The following RUSC2 variants were observed in gnomAD, a reference collection of about 807,000 sequenced individuals.
RUSC2 encodes the protein RUN and SH3 domain containing 2.
RUSC2 carries 34 observed loss-of-function variants against 122.2 expected under a neutral mutation model. The observed-to-expected ratio is 0.28, with a 90% CI of 0.21 to 0.37. The LOEUF (loss-of-function observed/expected upper bound fraction) is 0.37, where lower values mean the gene tolerates loss of function less well. RUSC2 is among the 10% of genes least tolerant of loss of function. The pLI is 1.00. For synonymous variants in RUSC2, 784 were observed against 790.0 expected (o/e 0.99, Z 0.13); for missense variants, 1,747 against 1,952.4 (o/e 0.89, Z 1.98).
At chr9:35,524,548 A>G (rs916062989) in intron 1 of RUSC2, among the ~76,000 whole-genome samples, 7 of 152,214 alleles carry the variant, frequency 4.6e-5, no homozygotes, top group Admixed American at 1.3e-4. Context: ...AGCATCATCA[A>G]TAAAGTGATA....
At chr9:35,529,498 A>G (rs556437877) in intron 1 of RUSC2, among the ~76,000 whole-genome samples, 1 of 149,808 alleles carries the variant, frequency 6.7e-6, no homozygotes, top group Admixed American at 6.7e-5. Context: ...CATTTTTACT[A>G]TGCAAAGCAC....
chr9:35,557,124 T>C lies in RUSC2; in HGVS notation c.2983+676T>C, dbSNP rs983163352. ...TTGGTGACATCTAGTAAGATGAAGA[T>C]TGACAAGACCCACACTATTTAGCAA... On this transcript the variant is annotated intron_variant, in intron 5 of 11. Transcript: ENST00000361226. This position sits in a 1 kb window ranked among gnomAD's most constrained non-coding sequence, Gnocchi z 4.6. Among the ~76,000 whole-genome samples, 1 of 152,006 alleles carries C rather than the reference T, an allele frequency of 6.6e-6. No individual in the cohort carries two copies. Among genetic ancestry groups the C allele is most frequent in the Admixed American group, 6.6e-5 (1 of 15,252 alleles).
At chr9:35,532,108 AAGAG>A (rs1821432629) in intron 1 of RUSC2, among the ~76,000 whole-genome samples, 1 of 152,236 alleles carries the variant, frequency 6.6e-6, no homozygotes, top group Non-Finnish European at 1.5e-5. Flanking sequence ...TCTGAATGTA[AAGAG>A]AGTCCAGATG....
intron 1 of RUSC2, among the ~76,000 whole-genome samples, chr9:35,543,328 A>C (rs879887370): frequency 6.6e-6 from 1 of 152,144 alleles, no homozygotes; most frequent in Non-Finnish European, 1.5e-5. Context: ...CAGGAGGCTG[A>C]GGTGGATCAC....
In RUSC2 at chr9:35,546,412, C is replaced by A. The variant is rs897000748; in HGVS notation, c.-92-18C>A. The A allele has an allele frequency of 2.2e-5, 18 of 816,956 alleles. No homozygotes were observed. The Middle Eastern group carries it at 8.6e-4, about 39-fold the overall frequency. 50.6% of individuals were successfully genotyped at this position (816,956 alleles called of 1,614,324 possible). A position where few individuals can be genotyped will look rare whatever the true frequency, so the allele number is the denominator to read the frequency against. On this transcript the variant is annotated intron_variant, in intron 1 of 11. Transcript: ENST00000361226. This position sits in a 1 kb window ranked among gnomAD's most constrained non-coding sequence, Gnocchi z 4.3. ...AGGGAGGTGACATTAGGTTCCCTTT[C>A]TTTCCCTCTCTCTCCAGGTGCCAAG... is the stretch of plus-strand genomic sequence containing the variant.
At chr9:35,509,840 C>T (rs1171949350) in intron 1 of RUSC2, among the ~76,000 whole-genome samples, 1 of 152,176 alleles carries the variant, frequency 6.6e-6, no homozygotes, top group African/African-American at 2.4e-5. Context: ...GTAACTCCTA[C>T]CACCACCCTG....
intron 1 of RUSC2, among the ~76,000 whole-genome samples, chr9:35,520,565 T>A (rs1821194745): frequency 6.6e-6 from 1 of 152,188 alleles, no homozygotes; most frequent in African/African-American, 2.4e-5. Context: ...TGTGCTTCAG[T>A]CCACTGCCTG....
Position 35,546,465 on chromosome 9 carries a change from A to C in RUSC2, c.-57A>C. ...CTCCTGATGAAATGTGTTCTGCCCC[A>C]CTGGGCTCCAGGGACAGTGTCTGGT... On this transcript the variant is annotated 5_prime_UTR_variant, in exon 2 of 12. Coordinates refer to ENST00000361226, the MANE Select transcript of RUSC2 (RefSeq NM_014806.5). This position sits in a 1 kb window ranked among gnomAD's most constrained non-coding sequence, Gnocchi z 4.3. 16 of 1,263,286 alleles carry C rather than the reference A, an allele frequency of 1.3e-5. No individual in the cohort carries two copies. Among genetic ancestry groups the C allele is most frequent in the Non-Finnish European group, 1.6e-5 (16 of 973,736 alleles). 78.3% of individuals were successfully genotyped at this position (1,263,286 alleles called of 1,614,324 possible).
chr9:35,537,948 T>C (rs557955388), intron 1 of RUSC2, among the ~76,000 whole-genome samples: 5 of 152,280 alleles, frequency 3.3e-5, no homozygotes, highest in African/African-American at 9.6e-5. Flanking sequence ...TTTTTCCTTA[T>C]TCCCACAGAA....
At chr9:35,538,554 A>T (rs1821575426) in intron 1 of RUSC2, 1 of 152,442 alleles carries the variant, frequency 6.6e-6, no homozygotes, top group African/African-American at 2.4e-5. Context: ...AAGAGGAGGG[A>T]GAGGTTTCTG....
At chr9:35,506,041 A>G (rs1200231089) in intron 1 of RUSC2, among the ~76,000 whole-genome samples, 2 of 152,246 alleles carry the variant, frequency 1.3e-5, no homozygotes, top group Admixed American at 1.3e-4. Context: ...AGGAAGAAAT[A>G]TAACTATTGC....
chr9:35,552,837 C>A (rs551978496), intron 2 of RUSC2, among the ~76,000 whole-genome samples: 1 of 152,174 alleles, frequency 6.6e-6, no homozygotes, highest in African/African-American at 2.4e-5. Context: ...TCTGTGTATT[C>A]CCTGAGGGTA....
At chr9:35,541,602 A>G (rs1250578891) in intron 1 of RUSC2, among the ~76,000 whole-genome samples, 1 of 151,854 alleles carries the variant, frequency 6.6e-6, no homozygotes, top group African/African-American at 2.4e-5. Flanking sequence ...GCGTGCCACC[A>G]CACCCAGCTA....
At chr9:35,533,359 C>G (rs1183384669) in intron 1 of RUSC2, among the ~76,000 whole-genome samples, 1 of 152,098 alleles carries the variant, frequency 6.6e-6, no homozygotes, top group African/African-American at 2.4e-5. Flanking sequence ...GATATTCCAC[C>G]TCTCACCCAT....
chr9:35,499,949 T>C (rs1424290113), intron 1 of RUSC2, among the ~76,000 whole-genome samples: 1 of 152,200 alleles, frequency 6.6e-6, no homozygotes, highest in South Asian at 2.1e-4. Flanking sequence ...CTTTACTTGT[T>C]TTTTGAAAGT....
At chr9:35,553,774 G>A (rs1463118488) in intron 2 of RUSC2, among the ~76,000 whole-genome samples, 2 of 152,178 alleles carry the variant, frequency 1.3e-5, no homozygotes, top group African/African-American at 4.8e-5. Context: ...GCAGGAGGGT[G>A]GAGCTTGAAA....
intron 1 of RUSC2, among the ~76,000 whole-genome samples, chr9:35,545,139 C>T (rs1327448967): frequency 2.0e-5 from 3 of 152,048 alleles, no homozygotes; most frequent in African/African-American, 7.3e-5. Flanking sequence ...TGTGACTTGC[C>T]TCAGACTTTA....
intron 1 of RUSC2, among the ~76,000 whole-genome samples, chr9:35,516,022 A>AAAAAAAAAAAAAAAGAAAG (rs1554724501): frequency 7.9e-6 from 1 of 127,116 alleles, no homozygotes; most frequent in Non-Finnish European, 1.6e-5. Flanking sequence ...AAAAAAAAAA[A>AAAAAAAAAAAAAAAGAAAG]AGAGAAATGC....
intron 1 of RUSC2, among the ~76,000 whole-genome samples, chr9:35,491,446 T>TATGGCTGCTG (rs1820566079): frequency 6.6e-6 from 1 of 152,206 alleles, no homozygotes; most frequent in Non-Finnish European, 1.5e-5. Flanking sequence ...ATTCTGTTAG[T>TATGGCTGCTG]TATGCCCGTC....
Sources: gnomAD v4.1 joint callset for allele counts (sites outside exome capture counted in the v4.1 genomes callset) on GRCh38, gnomAD v4.1.1 for gene constraint, Gnocchi (gnomAD v3.1) non-coding constraint, MANE v1.5 for transcripts, NCBI Gene and HGNC (gene_info 2026-07-23, HGNC 2026-07-21) for gene names.